The following TSHZ3 variants were observed in gnomAD, a reference collection of about 807,000 sequenced individuals.
TSHZ3 encodes teashirt zinc finger homeobox 3.
In TSHZ3, 10 loss-of-function variants were observed where a neutral mutation model predicts 64.5. That is an observed-to-expected ratio of 0.16 (90% CI 0.10 to 0.26). The LOEUF (loss-of-function observed/expected upper bound fraction) is 0.26, where lower values mean the gene tolerates loss of function less well. Ranked by LOEUF, TSHZ3 falls within the 10% of genes least tolerant of loss-of-function variation. TSHZ3 has a pLI of 1.00. For synonymous variants in TSHZ3, 608 were observed against 593.1 expected (o/e 1.03, Z -0.36); for missense variants, 1,242 against 1,421.7 (o/e 0.87, Z 2.03).
intron 1 of TSHZ3, among the ~76,000 whole-genome samples, chr19:31,253,133 C>T (rs1042700177): frequency 8.5e-5 from 13 of 152,106 alleles, no homozygotes; most frequent in South Asian, 6.2e-4. Flanking sequence ...AGGTTATTTG[C>T]GTATTCAGGG....
At chr19:31,213,386 A>AAAAAAAAAAAAC (rs1261801581) in intron 4 of TSHZ3, among the ~76,000 whole-genome samples, 2 of 147,164 alleles carry the variant, frequency 1.4e-5, no homozygotes, top group Admixed American at 6.8e-5. Context: ...AAAAAAAAAA[A>AAAAAAAAAAAAC]AAAAATCAGT....
At chr19:31,267,809 G>T (rs1976075025) in intron 1 of TSHZ3, among the ~76,000 whole-genome samples, 1 of 152,188 alleles carries the variant, frequency 6.6e-6, no homozygotes, top group Non-Finnish European at 1.5e-5. Context: ...TGCTGAGCTT[G>T]TTGAGAATGG....
chr19:31,260,930 C>A (rs1441256734), intron 1 of TSHZ3, among the ~76,000 whole-genome samples: 2 of 152,166 alleles, frequency 1.3e-5, no homozygotes, highest in African/African-American at 4.8e-5. Flanking sequence ...TTCTCAGCAC[C>A]TTCTGTGTGC....
At chr19:31,224,634 T>C (rs188324710) in intron 4 of TSHZ3, among the ~76,000 whole-genome samples, 54 of 152,328 alleles carry the variant, frequency 3.5e-4, no homozygotes, top group Non-Finnish European at 6.9e-4. Context: ...TCTAATACTC[T>C]AGCCTTAGGG....
At position 31,226,977 on chromosome 19, in the gene TSHZ3, C is replaced by CTTTTTTTTTTTTTTTTTTT. The variant is rs3030229; in HGVS notation, n.686+1009_686+1027dup. On this transcript the variant is annotated intron_variant and non_coding_transcript_variant, in intron 4 of 6. Coordinates refer to the TSHZ3 transcript ENST00000651361. Reference sequence around the variant, plus strand: ...TTTTCTTCTCTTTCTTTCTTTCTTTCTTTTTTTTTTTTTTTTTTTGAGATG... The same window carrying CTTTTTTTTTTTTTTTTTTT: ...TTTTCTTCTCTTTCTTTCTTTCTTTCTTTTTTTTTTTTTTTTTTTTTTTTTTTTTTTTTTTTTTGAGATG... 2.2e-3 allele frequency among the ~76,000 whole-genome samples: 143 copies of CTTTTTTTTTTTTTTTTTTT among 65,646 alleles called. 2 individuals carry two copies. The highest frequency in any genetic ancestry group is 2.6e-3 in the East Asian group (6 of 2,300). The allele number at this position is 65,646 out of a possible 152,430, so 43.1% of individuals were successfully genotyped here.
intron 4 of TSHZ3, among the ~76,000 whole-genome samples, chr19:31,214,403 C>T (rs1010543993): frequency 6.6e-6 from 1 of 152,184 alleles, no homozygotes; most frequent in Non-Finnish European, 1.5e-5. Context: ...AGTGACTCTG[C>T]CCCATACCTG....
exon 7 of TSHZ3, among the ~76,000 whole-genome samples, chr19:31,151,650 A>T (rs1974240910): frequency 6.6e-6 from 1 of 152,170 alleles, no homozygotes; most frequent in Admixed American, 6.5e-5. Context: ...TCTCGATGTG[A>T]TTGGATGGTT....
intron 5 of TSHZ3, among the ~76,000 whole-genome samples, chr19:31,164,710 G>A (rs576531946): frequency 1.2e-4 from 19 of 152,298 alleles, no homozygotes; most frequent in South Asian, 1.0e-3. Context: ...AGGACGCTGC[G>A]TGCATGAAGG....
At chr19:31,240,463 A>G (rs1028987604) in intron 3 of TSHZ3, among the ~76,000 whole-genome samples, 4 of 152,184 alleles carry the variant, frequency 2.6e-5, no homozygotes, top group African/African-American at 9.6e-5. Context: ...AGACAGCTAC[A>G]GTCTCATATT....
chr19:31,237,075 G>A (rs1480515684), intron 3 of TSHZ3, among the ~76,000 whole-genome samples: 1 of 58 alleles, frequency 0.017, no homozygotes, highest in Non-Finnish European at 0.042. Context: ...CTTGAACCCG[G>A]GAGCAGAGGC....
intron 3 of TSHZ3, among the ~76,000 whole-genome samples, chr19:31,239,393 A>T (rs924555883): frequency 6.6e-6 from 1 of 152,044 alleles, no homozygotes; most frequent in Non-Finnish European, 1.5e-5. Context: ...ACAGATTCTA[A>T]ATTTTCATTT....
At chr19:31,174,810 G>A (rs552269420) in intron 5 of TSHZ3, among the ~76,000 whole-genome samples, 1 of 152,310 alleles carries the variant, frequency 6.6e-6, no homozygotes, top group South Asian at 2.1e-4. Flanking sequence ...AGGAGCCAGG[G>A]GGCTGAACAG....
intron 1 of TSHZ3, among the ~76,000 whole-genome samples, chr19:31,333,806 A>T (rs1425797759): frequency 6.6e-6 from 1 of 152,142 alleles, no homozygotes; most frequent in Non-Finnish European, 1.5e-5. Context: ...TGGTCCTGCC[A>T]TTCACCTCAG....
chr19:31,231,387 C>T (rs958316330), intron 3 of TSHZ3, among the ~76,000 whole-genome samples: 1 of 152,258 alleles, frequency 6.6e-6, no homozygotes, highest in African/African-American at 2.4e-5. Context: ...GAGCATTTTT[C>T]CAAACCCACA....
chr19:31,217,644 A>C (rs2145165336), intron 4 of TSHZ3, among the ~76,000 whole-genome samples: 1 of 152,158 alleles, frequency 6.6e-6, no homozygotes, highest in African/African-American at 2.4e-5. Context: ...AACTGCACTA[A>C]CACATCACCA....
chr19:31,192,972 T>A (rs565092110), intron 5 of TSHZ3, among the ~76,000 whole-genome samples: 1 of 152,290 alleles, frequency 6.6e-6, no homozygotes, highest in East Asian at 1.9e-4. Flanking sequence ...TGTCCACTAC[T>A]ATCACAATCT....
chr19:31,206,053 T>C (rs1250778343), intron 4 of TSHZ3, among the ~76,000 whole-genome samples: 3 of 150,786 alleles, frequency 2.0e-5, no homozygotes, highest in South Asian at 2.1e-4. Context: ...GAGTGGAAGA[T>C]AAATGAATAG....
chr19:31,318,036 G>A (rs916983274), intron 1 of TSHZ3, among the ~76,000 whole-genome samples: 2 of 152,046 alleles, frequency 1.3e-5, no homozygotes, highest in African/African-American at 4.8e-5. Flanking sequence ...ACTTATAAAA[G>A]ACAACACACA....
At chr19:31,330,078 A>G (rs1917035730) in intron 1 of TSHZ3, among the ~76,000 whole-genome samples, 1 of 151,700 alleles carries the variant, frequency 6.6e-6, no homozygotes, top group African/African-American at 2.4e-5. Flanking sequence ...TTTCCTTAAC[A>G]CTGGGTTCCT....
Sources: gnomAD v4.1 joint callset for allele counts (sites outside exome capture counted in the v4.1 genomes callset) on GRCh38, gnomAD v4.1.1 for gene constraint, MANE v1.5 for transcripts, NCBI Gene and HGNC (gene_info 2026-07-23, HGNC 2026-07-21) for gene names.